SMIM35: variants seen among roughly 807,000 people sequenced by gnomAD.
The protein encoded by SMIM35 is TMPRSS4 antisense RNA 1 (non-protein coding).
rs146848188 is a variant in SMIM35 at position 118,039,816 on chromosome 11, C to T, written c.8-24007G>A. 5.2e-4 allele frequency among the ~76,000 whole-genome samples: 78 copies of T among 151,100 alleles called. 3 individuals carry two copies. In the East Asian group the frequency reaches 0.014, roughly 26 times the overall value. On this transcript the variant is annotated intron_variant, in intron 1 of 4. Transcript: ENST00000689828. Reference sequence around the variant, plus strand: ...CTGTAATCCCAGCAATTTGGGAGGCCGAGGCGGGACTCGAGAAAAGGAGTT... The same window carrying T: ...CTGTAATCCCAGCAATTTGGGAGGCTGAGGCGGGACTCGAGAAAAGGAGTT...
chr11:118,062,190 C>T (rs980169831), intron 1 of SMIM35, among the ~76,000 whole-genome samples: 3 of 152,158 alleles, frequency 2.0e-5, no homozygotes, highest in East Asian at 1.9e-4. Flanking sequence ...ATTAGCTGGG[C>T]GTGGTGGTGA....
chr11:118,026,305 T>C (rs11216705), intron 1 of SMIM35, among the ~76,000 whole-genome samples: 14,605 of 152,248 alleles, frequency 0.096, 979 homozygotes, highest in East Asian at 0.37. Flanking sequence ...ATTTCCTCAA[T>C]AGAAATGGAG....
At chr11:118,075,458 AT>A (rs1267733186) in intron 1 of SMIM35, among the ~76,000 whole-genome samples, 1 of 152,194 alleles carries the variant, frequency 6.6e-6, no homozygotes, top group Non-Finnish European at 1.5e-5. Context: ...GGGCCATATT[AT>A]CCCAAACCAT....
At chr11:118,060,963 T>A (rs1449715757) in intron 1 of SMIM35, among the ~76,000 whole-genome samples, 1 of 152,236 alleles carries the variant, frequency 6.6e-6, no homozygotes, top group African/African-American at 2.4e-5. Context: ...TCCAGCCCTG[T>A]GACCTCACAT....
chr11:118,039,640 G>C (rs1029165884), intron 1 of SMIM35, among the ~76,000 whole-genome samples: 2 of 151,772 alleles, frequency 1.3e-5, no homozygotes, highest in Admixed American at 1.3e-4. Flanking sequence ...AGCCCAGGAG[G>C]TCAAGGATGC....
At chr11:118,028,405 T>C (rs2058291570) in intron 1 of SMIM35, among the ~76,000 whole-genome samples, 1 of 152,104 alleles carries the variant, frequency 6.6e-6, no homozygotes, top group Non-Finnish European at 1.5e-5. Flanking sequence ...AGTCCTATGA[T>C]ATGTTATTTT....
chr11:118,015,424 T>C (rs2058174722), intron 2 of SMIM35, among the ~76,000 whole-genome samples: 1 of 152,098 alleles, frequency 6.6e-6, no homozygotes, highest in Non-Finnish European at 1.5e-5. Context: ...ACCGCTGGCA[T>C]GGACGTCTAT....
intron 1 of SMIM35, among the ~76,000 whole-genome samples, chr11:118,062,238 G>A (rs907879834): frequency 1.3e-5 from 2 of 152,224 alleles, no homozygotes; most frequent in Non-Finnish European, 2.9e-5. Context: ...GCCGAGGCAG[G>A]AGAATCACTT....
intron 1 of SMIM35, among the ~76,000 whole-genome samples, chr11:118,086,430 C>T (rs1460396148): frequency 6.6e-6 from 1 of 152,258 alleles, no homozygotes; most frequent in East Asian, 1.9e-4. Context: ...AATGTAGCAG[C>T]CAAGGCTGAG....
chr11:118,085,404 T>C (rs1379876045), intron 1 of SMIM35, among the ~76,000 whole-genome samples: 3 of 152,026 alleles, frequency 2.0e-5, no homozygotes, highest in Admixed American at 1.3e-4. Flanking sequence ...TTTGTATTTT[T>C]AGTAGAGATG....
intron 4 of SMIM35, 164 bp downstream of exon 4, chr11:118,013,583 GA>G: frequency 2.6e-6 from 1 of 381,184 alleles, no homozygotes; most frequent in East Asian, 3.7e-5. Context: ...GCGGGTGGGG[GA>G]AAACATGACC....
intron 1 of SMIM35, among the ~76,000 whole-genome samples, chr11:118,021,047 G>GTTTTTTTTTTTTTTGTT (rs367714265): frequency 5.7e-5 from 8 of 140,762 alleles, no homozygotes; most frequent in African/African-American, 2.1e-4. Flanking sequence ...ACAGGGTAAG[G>GTTTTTTTTTTTTTTGTT]TTTTTTTTTT....
intron 1 of SMIM35, among the ~76,000 whole-genome samples, chr11:118,041,190 A>G (rs1943994199): frequency 6.6e-6 from 1 of 152,198 alleles, no homozygotes; most frequent in Non-Finnish European, 1.5e-5. Context: ...AAATGAAGGG[A>G]GAAATAGAAA....
chr11:118,078,121 C>T (rs1450441141), intron 1 of SMIM35, among the ~76,000 whole-genome samples: 2 of 150,216 alleles, frequency 1.3e-5, no homozygotes, highest in East Asian at 2.0e-4. Flanking sequence ...TACTTGGTCT[C>T]TTTTCATGCC....
chr11:118,017,521 A>G (rs7942426), intron 1 of SMIM35, among the ~76,000 whole-genome samples: 2,589 of 152,260 alleles, frequency 0.017, 67 homozygotes, highest in African/African-American at 0.059. Flanking sequence ...ATTATATACC[A>G]TATTAGAGGG....
chr11:118,027,946 A>C (rs539340490), intron 1 of SMIM35, among the ~76,000 whole-genome samples: 1 of 152,360 alleles, frequency 6.6e-6, no homozygotes, highest in African/African-American at 2.4e-5. Context: ...TCAAAGGCTC[A>C]TGAAGAGTCA....
chr11:118,034,042 C>A (rs1270667276), intron 1 of SMIM35, among the ~76,000 whole-genome samples: 2 of 152,112 alleles, frequency 1.3e-5, no homozygotes, highest in Admixed American at 1.3e-4. Flanking sequence ...CCGAGGCGGG[C>A]AGATGACCTG....
At chr11:118,076,653 A>G (rs1049301002) in intron 1 of SMIM35, among the ~76,000 whole-genome samples, 1 of 152,048 alleles carries the variant, frequency 6.6e-6, no homozygotes, top group Non-Finnish European at 1.5e-5. Context: ...TACCTCCCTA[A>G]GAGAAGAAAC....
At chr11:118,015,303 C>T (rs1224827116) in intron 2 of SMIM35, among the ~76,000 whole-genome samples, 1 of 152,194 alleles carries the variant, frequency 6.6e-6, no homozygotes, top group Admixed American at 6.5e-5. Flanking sequence ...GATACCTCCA[C>T]AAGCTTAGGA....
Sources: gnomAD v4.1 joint callset for allele counts (sites outside exome capture counted in the v4.1 genomes callset) on GRCh38, gnomAD v4.1.1 for gene constraint, MANE v1.5 for transcripts, NCBI Gene and HGNC (gene_info 2026-07-23, HGNC 2026-07-21) for gene names.